CYTH3: variants seen among roughly 807,000 people sequenced by gnomAD.
CYTH3 encodes the protein cytohesin 3.
CYTH3 carries 23 observed loss-of-function variants against 55.1 expected under a neutral mutation model. The ratio of observed to expected loss-of-function variants is 0.42; its 90% CI spans 0.30 to 0.59. The LOEUF (loss-of-function observed/expected upper bound fraction) is 0.59, where lower values mean the gene tolerates loss of function less well. Among genes scored for constraint, CYTH3 ranks in the 20% least tolerant of loss-of-function variants. The pLI is 0.20. For missense variants in CYTH3, 413 were observed against 524.8 expected (o/e 0.79, Z 2.08); for synonymous variants, 249 against 194.9 (o/e 1.28, Z -2.31).
rs1053351555 is a variant in CYTH3, at chr7:6,169,198, C to G, written c.823+1337G>C. ...TCCACCAGCTGAGGAGGCCTGTGCC[C>G]GTCACACCGTGTCTCACCCTTCCTT... On this transcript the variant is annotated intron_variant, in intron 9 of 12. Transcript: ENST00000350796. The surrounding 1 kb of genome is among the most constrained non-coding windows in gnomAD (Gnocchi z 4.1). Among the ~76,000 whole-genome samples the G allele has an allele frequency of 6.6e-6, 1 of 152,160 alleles. No individual in the cohort carries two copies. The highest frequency in any genetic ancestry group is 2.4e-5 in the African/African-American group (1 of 41,438).
chr7:6,255,769 T>C (rs182336724), intron 1 of CYTH3, among the ~76,000 whole-genome samples: 1 of 144,950 alleles, frequency 6.9e-6, no homozygotes, highest in African/African-American at 2.6e-5. Context: ...TTTTTTTTTT[T>C]TTTTTTTTTT....
At chr7:6,251,496 G>A (rs1416495808) in intron 1 of CYTH3, among the ~76,000 whole-genome samples, 1 of 151,954 alleles carries the variant, frequency 6.6e-6, no homozygotes, top group African/African-American at 2.4e-5. Context: ...AAATAGGAAA[G>A]GATTCTTCAA....
intron 1 of CYTH3, among the ~76,000 whole-genome samples, chr7:6,191,496 G>T (rs1399827017): frequency 2.0e-5 from 3 of 151,654 alleles, no homozygotes; most frequent in African/African-American, 7.3e-5. Context: ...TCAATTACAA[G>T]TGGATTAAAA....
intron 1 of CYTH3, among the ~76,000 whole-genome samples, chr7:6,229,519 A>G (rs1294520916): frequency 3.3e-5 from 5 of 151,962 alleles, no homozygotes; most frequent in African/African-American, 1.2e-4. Flanking sequence ...CTCATAGAAC[A>G]TATCTCAGGG....
At chr7:6,259,129 G>C (rs1205141735) in intron 1 of CYTH3, among the ~76,000 whole-genome samples, 1 of 152,172 alleles carries the variant, frequency 6.6e-6, no homozygotes. Context: ...TCTCATGAAA[G>C]TGAATTATAA....
At chr7:6,201,306 CT>C (rs943811959) in intron 1 of CYTH3, among the ~76,000 whole-genome samples, 17 of 152,330 alleles carry the variant, frequency 1.1e-4, no homozygotes, top group African/African-American at 3.4e-4. Context: ...AGCCAGGATG[CT>C]GCACTGAGCT....
chr7:6,213,419 G>A (rs912706777), intron 1 of CYTH3, among the ~76,000 whole-genome samples: 2 of 152,146 alleles, frequency 1.3e-5, no homozygotes, highest in African/African-American at 4.8e-5. Context: ...ACAATTTTGT[G>A]TCAATCTTAA....
chr7:6,262,866 C>G (rs1780386045), intron 1 of CYTH3, among the ~76,000 whole-genome samples: 1 of 152,050 alleles, frequency 6.6e-6, no homozygotes, highest in Non-Finnish European at 1.5e-5. Context: ...CTGCAGTGAG[C>G]TATGATGGCG....
intron 1 of CYTH3, among the ~76,000 whole-genome samples, chr7:6,217,678 C>G (rs1784457181): frequency 6.6e-6 from 1 of 152,054 alleles, no homozygotes; most frequent in South Asian, 2.1e-4. Flanking sequence ...AACTCACCAC[C>G]ACCATCAACC....
chr7:6,196,463 T>TC (rs1243901403), intron 1 of CYTH3, among the ~76,000 whole-genome samples: 3 of 148,832 alleles, frequency 2.0e-5, no homozygotes, highest in Admixed American at 6.7e-5. Context: ...TTTCTTTTTT[T>TC]TTTTTTTTTT....
chr7:6,199,908 T>C (rs1417176031), intron 1 of CYTH3, among the ~76,000 whole-genome samples: 1 of 152,206 alleles, frequency 6.6e-6, no homozygotes, highest in Non-Finnish European at 1.5e-5. Flanking sequence ...ATGGTTAACA[T>C]CATTTGATGG....
intron 1 of CYTH3, among the ~76,000 whole-genome samples, chr7:6,256,966 C>G (rs1376068927): frequency 1.3e-5 from 2 of 152,204 alleles, no homozygotes; most frequent in Non-Finnish European, 2.9e-5. Flanking sequence ...TTTGTGAAAA[C>G]TGAAACATCC....
chr7:6,209,541 T>G (rs1784277178), intron 1 of CYTH3, among the ~76,000 whole-genome samples: 2 of 152,304 alleles, frequency 1.3e-5, no homozygotes, highest in African/African-American at 4.8e-5. Context: ...TGAGGACACT[T>G]TGGAAGACAG....
rs2301910 is a variant in CYTH3 at position 6,165,368 on chromosome 7, A to T, written c.1032T>A (p.Thr344=). ...CCTCTACCACGCGGCCGTCGGCCTC[A>T]GTCTTACAGGCCTTGATGACCTGCC... ...HKGQVIKACK[T]EADGRVVEGN... The change falls in exon 12 of 13, where the codon ACT becomes ACA. Residue 344 remains threonine, a synonymous_variant. Transcript: ENST00000350796. The T allele has an allele frequency of 3.0e-5, 49 of 1,614,066 alleles. No homozygotes were observed. The highest frequency in any genetic ancestry group is 3.3e-4 in the Middle Eastern group (2 of 6,062).
chr7:6,169,378 G>A lies in CYTH3; in HGVS notation c.823+1157C>T, dbSNP rs922847762. ...TGGGACTACAGGCACACACCATCAC[G>A]CCAGGCTAATTTTTTGTAAAGATGG... On this transcript the variant is annotated intron_variant, in intron 9 of 12. Coordinates refer to ENST00000350796, the MANE Select transcript of CYTH3 (RefSeq NM_004227.4). This position sits in a 1 kb window ranked among gnomAD's most constrained non-coding sequence, Gnocchi z 4.1. 2.0e-5 allele frequency among the ~76,000 whole-genome samples: 3 copies of A among 151,968 alleles called. No individual in the cohort carries two copies. The highest frequency in any genetic ancestry group is 2.9e-5 in the Non-Finnish European group (2 of 67,992).
chr7:6,173,617 C>A, intron 6 of CYTH3, 36 bp downstream of exon 6: 1 of 1,411,740 alleles, frequency 7.1e-7, no homozygotes, highest in Non-Finnish European at 1.0e-6. Flanking sequence ...CTGGCCTTCC[C>A]CATCCACTCT....
At chr7:6,205,043 G>A (rs1337137681) in intron 1 of CYTH3, among the ~76,000 whole-genome samples, 3 of 152,040 alleles carry the variant, frequency 2.0e-5, no homozygotes, top group African/African-American at 7.2e-5. Context: ...GTGCACACCT[G>A]TAGTCCCAGC....
At chr7:6,220,080 C>T (rs551799973) in intron 1 of CYTH3, among the ~76,000 whole-genome samples, 7 of 151,832 alleles carry the variant, frequency 4.6e-5, no homozygotes, top group Middle Eastern at 3.4e-3. Flanking sequence ...TTGGTAGAGA[C>T]GGGGTTTCAC....
intron 1 of CYTH3, among the ~76,000 whole-genome samples, chr7:6,253,683 G>A (rs1178124884): frequency 6.6e-6 from 1 of 152,134 alleles, no homozygotes; most frequent in Non-Finnish European, 1.5e-5. Context: ...GGGCGTGGTA[G>A]TAGGCACCTG....
Sources: allele counts gnomAD v4.1 joint callset (sites outside exome capture counted in the v4.1 genomes callset), GRCh38; gene constraint gnomAD v4.1.1; non-coding constraint Gnocchi (gnomAD v3.1); transcripts MANE v1.5; gene names NCBI Gene and HGNC (gene_info 2026-07-23, HGNC 2026-07-21).